The following PPP4R3A variants were observed in gnomAD, a reference collection of about 807,000 sequenced individuals.
PPP4R3A encodes the protein serine/threonine-protein phosphatase 4 regulatory subunit 3A.
In PPP4R3A, 15 loss-of-function variants were observed where a neutral mutation model predicts 91.7. The observed-to-expected ratio is 0.16, with a 90% CI of 0.11 to 0.25. The LOEUF is 0.25. Among genes scored for constraint, PPP4R3A ranks in the 10% least tolerant of loss-of-function variants. The probability of loss-of-function intolerance (pLI) is 1.00; values close to 1 mark genes in which losing one functional copy is unlikely to be tolerated. For missense variants in PPP4R3A, 623 were observed against 998.4 expected, an observed-to-expected ratio of 0.62 and a Z score of 5.07; for synonymous variants, 377 against 348.7, an observed-to-expected ratio of 1.08 and a Z score of -0.91.
chr14:91,508,648 C>T (rs1471660664), intron 1 of PPP4R3A, among the ~76,000 whole-genome samples: 1 of 152,078 alleles, frequency 6.6e-6, no homozygotes, highest in Non-Finnish European at 1.5e-5. Context: ...TGAAACAGCA[C>T]ATGTGGAAAA....
At chr14:91,475,141 G>A (rs547098908) in intron 7 of PPP4R3A, 11 of 150,840 alleles carry the variant, frequency 7.3e-5, no homozygotes, top group African/African-American at 2.4e-4. Flanking sequence ...TCATTCTTAC[G>A]TAAAAAGTTG....
intron 1 of PPP4R3A, among the ~76,000 whole-genome samples, chr14:91,491,898 A>G (rs1890251296): frequency 6.6e-6 from 1 of 151,040 alleles, no homozygotes; most frequent in South Asian, 2.1e-4. Flanking sequence ...TTTTGTACAG[A>G]CGGGGTCTCC....
At chr14:91,466,634 A>G in intron 10 of PPP4R3A, among the ~76,000 whole-genome samples, 1 of 152,142 alleles carries the variant, frequency 6.6e-6, no homozygotes, top group Non-Finnish European at 1.5e-5. Flanking sequence ...ACTACTGAAT[A>G]TTTTTAAAAA....
In PPP4R3A at chr14:91,497,686, T is replaced by C. The variant is rs151159792; in HGVS notation, c.143-6884A>G. Among the ~76,000 whole-genome samples the C allele has an allele frequency of 2.8e-3, 434 of 152,332 alleles. 2 individuals are homozygous for C. The highest frequency in any genetic ancestry group is 1.0e-2 in the African/African-American group (415 of 41,582). Reference sequence around the variant, plus strand: ...ATTTACCAGTACCAAGACTGAAAATTGAATCATCTTCACCTACCCAACTTT... The same window carrying C: ...ATTTACCAGTACCAAGACTGAAAATCGAATCATCTTCACCTACCCAACTTT... On this transcript the variant is annotated intron_variant, in intron 1 of 14. Coordinates refer to ENST00000554943, the MANE Select transcript of PPP4R3A (RefSeq NM_001366432.2).
At position 91,493,808 on chromosome 14, in the gene PPP4R3A, T is replaced by C. The variant is rs1336703437; in HGVS notation, c.143-3006A>G. ...TTTTTTTGAGACGGAGTTTCACTCT[T>C]GTTGCCCAGGCTGGAATGTAATGGT... On this transcript the variant is annotated intron_variant, in intron 1 of 14. Coordinates refer to ENST00000554943, the MANE Select transcript of PPP4R3A (RefSeq NM_001366432.2). Among the ~76,000 whole-genome samples, 3 of 148,986 alleles carry C rather than the reference T, an allele frequency of 2.0e-5. 1 individual carries two copies. Among genetic ancestry groups the C allele is most frequent in the African/African-American group, 7.7e-5 (3 of 39,036 alleles).
rs1431605008 is a variant in PPP4R3A, at chr14:91,476,463, G to C, written c.1055C>G (p.Ala352Gly). 1 of 1,612,134 alleles carries C rather than the reference G, an allele frequency of 6.2e-7. No homozygotes were observed. Among genetic ancestry groups the C allele is most frequent in the Non-Finnish European group, 8.5e-7 (1 of 1,179,462 alleles). Residue 352 changes from alanine (A) to glycine (G), a missense_variant, in exon 6 of 15, where the codon GCT becomes GGT. Physicochemically the swap from Ala to Gly is moderately conservative, Grantham distance 60 (BLOSUM62 0). Coordinates refer to ENST00000554943, the MANE Select transcript of PPP4R3A (RefSeq NM_001366432.2). ...SQTLQPQNRD[A>G]FFKTLSNMGI... The stretch of plus-strand genomic sequence containing the variant: ...CATGTTTGACAAAGTCTTGAAAAAA[G>C]CATCTCTGTTTTGAGGCTGTAGCGT...
At chr14:91,499,282 T>C (rs1005750733) in intron 1 of PPP4R3A, among the ~76,000 whole-genome samples, 1 of 150,352 alleles carries the variant, frequency 6.7e-6, no homozygotes, top group Non-Finnish European at 1.5e-5. Context: ...CAAAATAAAA[T>C]ATAAAAATGA....
At position 91,462,233 on chromosome 14, in the gene PPP4R3A, A is replaced by C. The variant is rs1191082885; in HGVS notation, c.1980T>G (p.Arg660=). Reference sequence around the variant, plus strand: ...GATATCTGTGATTCCTCAAAATGGAACGCATACTATGAGTAGGGAAGAAAG... The same window carrying C: ...GATATCTGTGATTCCTCAAAATGGACCGCATACTATGAGTAGGGAAGAAAG... ...RQDNPKLDSM[R]SILRNHRYRR... is the part of the protein sequence containing the mutation. Residue 660 remains arginine (R), a synonymous_variant, in exon 13 of 15, where the codon CGT becomes CGG. Transcript: ENST00000554943. The C allele has an allele frequency of 6.3e-7, 1 of 1,586,610 alleles. No homozygotes were observed. The highest frequency in any genetic ancestry group is 1.9e-5 in the Admixed American group (1 of 53,686).
chr14:91,500,993 C>T (rs900595188), intron 1 of PPP4R3A, among the ~76,000 whole-genome samples: 1 of 152,190 alleles, frequency 6.6e-6, no homozygotes, highest in Non-Finnish European at 1.5e-5. Context: ...GATCACACCA[C>T]TGCGCTCCAG....
chr14:91,505,781 C>T (rs941131552), intron 1 of PPP4R3A, among the ~76,000 whole-genome samples: 5 of 152,062 alleles, frequency 3.3e-5, no homozygotes, highest in Non-Finnish European at 7.4e-5. Context: ...ACAAATGACT[C>T]AATTTATGGA....
chr14:91,508,922 G>A (rs1033458227), intron 1 of PPP4R3A, among the ~76,000 whole-genome samples: 3 of 152,092 alleles, frequency 2.0e-5, no homozygotes, highest in African/African-American at 7.2e-5. Context: ...ACCAACACTG[G>A]TGAACGAAAA....
chr14:91,476,966 T>C lies in PPP4R3A; in HGVS notation c.936A>G (p.Thr312=). Residue 312 remains threonine (T), a synonymous_variant, in exon 5 of 15, where the codon ACA becomes ACG. Transcript: ENST00000554943. ...GMLQEDEKFL[T]DLFAQLTDEA... ...CATCTGTTAGTTGTGCAAACAAATC[T>C]GTCAGAAATTTTTCATCTTCCTGTG... The C allele has an allele frequency of 6.2e-7, 1 of 1,602,442 alleles. No homozygotes were observed. Among genetic ancestry groups the C allele is most frequent in the East Asian group, 2.2e-5 (1 of 44,696 alleles).
chr14:91,486,546 C>T (rs1715650825), intron 2 of PPP4R3A, among the ~76,000 whole-genome samples: 1 of 152,224 alleles, frequency 6.6e-6, no homozygotes, highest in Non-Finnish European at 1.5e-5. Context: ...CAGCAAGACA[C>T]TGCACATACA....
intron 1 of PPP4R3A, among the ~76,000 whole-genome samples, chr14:91,497,807 G>A (rs1199590845): frequency 6.6e-6 from 1 of 152,136 alleles, no homozygotes; most frequent in Non-Finnish European, 1.5e-5. Flanking sequence ...ATTTCATTAG[G>A]AGAGTCTGTA....
chr14:91,460,143 T>C (rs1242740217), intron 14 of PPP4R3A, among the ~76,000 whole-genome samples: 5 of 151,790 alleles, frequency 3.3e-5, no homozygotes, highest in African/African-American at 1.2e-4. Context: ...TCCTGAGTAG[T>C]TGAGACTACA....
chr14:91,502,176 T>G lies in PPP4R3A; in HGVS notation c.142+7330A>C, dbSNP rs148954085. Among the ~76,000 whole-genome samples, 78 of 152,202 alleles carry G rather than the reference T, an allele frequency of 5.1e-4. 1 individual carries two copies. Among genetic ancestry groups the G allele is most frequent in the African/African-American group, 1.8e-3 (75 of 41,542 alleles). On this transcript the variant is annotated intron_variant, in intron 1 of 14. Coordinates refer to ENST00000554943, the MANE Select transcript of PPP4R3A (RefSeq NM_001366432.2). ...AGCTCACAGCTATAATCCTGGCTAC[T>G]CAGGAGGGTGAGGTAGGAGCATTGC...
At chr14:91,501,045 C>CA (rs565792994) in intron 1 of PPP4R3A, among the ~76,000 whole-genome samples, 36 of 151,970 alleles carry the variant, frequency 2.4e-4, no homozygotes, top group African/African-American at 7.7e-4. Context: ...AATTTAAAAA[C>CA]AAAAAAACCC....
At chr14:91,492,491 T>C (rs1282656456) in intron 1 of PPP4R3A, among the ~76,000 whole-genome samples, 1 of 152,234 alleles carries the variant, frequency 6.6e-6, no homozygotes. Flanking sequence ...TACCAAGTAA[T>C]ACCGAACACA....
chr14:91,500,491 G>A (rs1012770186), intron 1 of PPP4R3A, among the ~76,000 whole-genome samples: 1 of 152,020 alleles, frequency 6.6e-6, no homozygotes, highest in Non-Finnish European at 1.5e-5. Flanking sequence ...GAGCCACCGC[G>A]CCTGGCCTCA....
Sources: allele counts gnomAD v4.1 joint callset (sites outside exome capture counted in the v4.1 genomes callset), GRCh38; gene constraint gnomAD v4.1.1; transcripts MANE v1.5; gene names NCBI Gene and HGNC (gene_info 2026-07-23, HGNC 2026-07-21).